APBA2: variants seen among roughly 807,000 people sequenced by gnomAD.
The protein encoded by APBA2 is amyloid-beta A4 precursor protein-binding family A member 2.
Under a neutral mutation model 75.0 loss-of-function variants are expected in APBA2, and 30 were observed. That is an observed-to-expected ratio of 0.40 (90% confidence interval 0.30 to 0.54). The LOEUF is 0.54. Ranked by LOEUF, APBA2 falls within the 20% of genes least tolerant of loss-of-function variation. The probability of loss-of-function intolerance (pLI) is 0.49; values close to 1 mark genes in which losing one functional copy is unlikely to be tolerated. For missense variants in APBA2, 801 were observed against 1,016.1 expected, an observed-to-expected ratio of 0.79 and a Z score of 2.88; for synonymous variants, 444 against 409.6, an observed-to-expected ratio of 1.08 and a Z score of -1.01.
chr15:28,983,254 C>T (rs921053130), intron 2 of APBA2, among the ~76,000 whole-genome samples: 10 of 152,102 alleles, frequency 6.6e-5, no homozygotes, highest in African/African-American at 2.2e-4. Flanking sequence ...GTTGGGGAGG[C>T]GTCATGTAAG....
intron 2 of APBA2, among the ~76,000 whole-genome samples, chr15:28,994,861 G>T (rs2038427320): frequency 6.6e-6 from 1 of 152,318 alleles, no homozygotes; most frequent in African/African-American, 2.4e-5. Context: ...CAGGTGCCCT[G>T]TCCAGCAGCG....
intron 2 of APBA2, among the ~76,000 whole-genome samples, chr15:28,972,152 ACAGCTG>A (rs1371026638): frequency 2.0e-5 from 3 of 152,242 alleles, no homozygotes; most frequent in African/African-American, 7.2e-5. Context: ...GATAGTAGTT[ACAGCTG>A]AAAGCACAGT....
chr15:29,112,712 T>C (rs1265334674), intron 13 of APBA2, among the ~76,000 whole-genome samples: 3 of 152,188 alleles, frequency 2.0e-5, no homozygotes, highest in Non-Finnish European at 4.4e-5. Context: ...TATCTGTAAC[T>C]TAAAATCGAG....
chr15:28,988,352 C>T (rs2038038449), intron 2 of APBA2, among the ~76,000 whole-genome samples: 1 of 151,794 alleles, frequency 6.6e-6, no homozygotes, highest in Non-Finnish European at 1.5e-5. Flanking sequence ...CAAGCTCCAC[C>T]TCCTGGGTTC....
At chr15:28,922,539 G>A (rs1391976757) in intron 2 of APBA2, among the ~76,000 whole-genome samples, 1 of 152,206 alleles carries the variant, frequency 6.6e-6, no homozygotes, top group Non-Finnish European at 1.5e-5. Context: ...GAATATCTCA[G>A]TGCAGTGCAC....
At chr15:29,026,847 G>C (rs994617787) in intron 3 of APBA2, among the ~76,000 whole-genome samples, 1 of 152,224 alleles carries the variant, frequency 6.6e-6, no homozygotes, top group African/African-American at 2.4e-5. Flanking sequence ...TGTGAAGCCA[G>C]GAGGCGGAGC....
At chr15:28,931,849 G>A (rs1187345004) in intron 2 of APBA2, among the ~76,000 whole-genome samples, 1 of 152,184 alleles carries the variant, frequency 6.6e-6, no homozygotes, top group Non-Finnish European at 1.5e-5. Flanking sequence ...TAAGTCTTTG[G>A]AAATAATTGC....
At position 29,095,321 on chromosome 15, in the gene APBA2, C is replaced by T. The variant is rs186764708; in HGVS notation, c.1251+1008C>T. 3.8e-3 allele frequency among the ~76,000 whole-genome samples: 571 copies of T among 151,976 alleles called. 3 individuals carry two copies. The highest frequency in any genetic ancestry group is 6.5e-3 in the Non-Finnish European group (441 of 67,990). The stretch of plus-strand genomic sequence containing the variant: ...GTACATGCCTGTAATTCCAGATACT[C>T]GGGAGGCTGAGGCAGGAGAATCACT... On this transcript the variant is annotated intron_variant, in intron 8 of 14. Transcript: ENST00000683413.
chr15:29,109,756 A>C (rs756509296), intron 13 of APBA2, among the ~76,000 whole-genome samples: 50 of 152,216 alleles, frequency 3.3e-4, no homozygotes, highest in Non-Finnish European at 5.6e-4. Flanking sequence ...TGTGACCCTC[A>C]ACAAGTCACT....
chr15:29,105,597 C>T, intron 11 of APBA2, 39 bp downstream of exon 11: 1 of 1,607,536 alleles, frequency 6.2e-7, no homozygotes, highest in Non-Finnish European at 8.5e-7. Context: ...GCCACATTTG[C>T]CAGCTTCTGC....
intron 2 of APBA2, among the ~76,000 whole-genome samples, chr15:28,926,996 A>G (rs2034303459): frequency 6.6e-6 from 1 of 151,796 alleles, no homozygotes; most frequent in South Asian, 2.1e-4. Flanking sequence ...AGCTGAGATT[A>G]CAGGCGCCAG....
chr15:29,065,035 G>T (rs929727249), intron 4 of APBA2, among the ~76,000 whole-genome samples: 2 of 151,746 alleles, frequency 1.3e-5, no homozygotes, highest in African/African-American at 4.9e-5. Flanking sequence ...GTGCACGCAC[G>T]CTTGTATGTG....
At chr15:29,024,675 A>G (rs4779472) in intron 3 of APBA2, among the ~76,000 whole-genome samples, 55,140 of 152,196 alleles carry the variant, frequency 0.36, 16,260 homozygotes, top group African/African-American at 0.79. Flanking sequence ...TTTTGCTGTG[A>G]AACAACAGCA....
chr15:29,113,144 C>T (rs927581038), intron 13 of APBA2, among the ~76,000 whole-genome samples: 49 of 152,064 alleles, frequency 3.2e-4, no homozygotes, highest in African/African-American at 9.9e-4. Flanking sequence ...GCTGTGAACA[C>T]GGGTGTGCAC....
chr15:29,062,212 C>T (rs1478328542), intron 4 of APBA2, among the ~76,000 whole-genome samples: 1 of 152,132 alleles, frequency 6.6e-6, no homozygotes, highest in Non-Finnish European at 1.5e-5. Flanking sequence ...GTGTCCCTTG[C>T]CCCGCCCACC....
At chr15:29,032,017 G>A (rs950407032) in intron 3 of APBA2, among the ~76,000 whole-genome samples, 1 of 152,230 alleles carries the variant, frequency 6.6e-6, no homozygotes, top group African/African-American at 2.4e-5. Flanking sequence ...GTAGCAGAGG[G>A]GCTCTCCTTG....
chr15:29,115,978 C>T (rs1225581761), intron 14 of APBA2, among the ~76,000 whole-genome samples: 1 of 152,206 alleles, frequency 6.6e-6, no homozygotes, highest in Non-Finnish European at 1.5e-5. Context: ...GCCCCCCATC[C>T]GGAGGCCGCA....
intron 6 of APBA2, 74 bp from the exon 7 acceptor site, chr15:29,093,001 A>G (rs4779761): frequency 0.96 from 1,524,657 of 1,588,540 alleles, 740,109 homozygotes; most frequent in Non-Finnish European, 0.99. Flanking sequence ...TCCTTGTGCT[A>G]TGGCCAGGCA....
chr15:28,943,347 A>G (rs1392612474), intron 2 of APBA2, among the ~76,000 whole-genome samples: 1 of 152,162 alleles, frequency 6.6e-6, no homozygotes, highest in Admixed American at 6.5e-5. Flanking sequence ...GGCCCAGCTT[A>G]GGGAGACCAA....
Sources: gnomAD v4.1 joint callset for allele counts (sites outside exome capture counted in the v4.1 genomes callset) on GRCh38, gnomAD v4.1.1 for gene constraint, MANE v1.5 for transcripts, NCBI Gene and HGNC (gene_info 2026-07-23, HGNC 2026-07-21) for gene names.